Variants in CHRM3 observed in about 807,000 individuals in gnomAD.
CHRM3 encodes the protein muscarinic acetylcholine receptor M3.
A neutral mutation model predicts 41.8 loss-of-function variants in CHRM3; 11 were observed. The ratio of observed to expected loss-of-function variants is 0.26; its 90% CI spans 0.17 to 0.44. CHRM3 has a LOEUF of 0.44. Among genes scored for constraint, CHRM3 ranks in the 20% least tolerant of loss-of-function variants. The pLI, the probability that CHRM3 is intolerant of heterozygous loss-of-function variation, is 1.00. For missense variants in CHRM3, 571 were observed against 745.4 expected (o/e 0.77, Z 2.72); for synonymous variants, 297 against 301.4 (o/e 0.99, Z 0.15).
chr1:239,688,463 T>C (rs1659370491), intron 5 of CHRM3, among the ~76,000 whole-genome samples: 1 of 142,088 alleles, frequency 7.0e-6, no homozygotes, highest in Non-Finnish European at 1.5e-5. Flanking sequence ...TATATTATAT[T>C]ATATATTATA....
Position 239,893,733 on chromosome 1 carries a change from T to TA in CHRM3, c.-19-13681dup, listed in dbSNP as rs5782109. Among the ~76,000 whole-genome samples, 141 of 128,662 alleles carry TA rather than the reference T, an allele frequency of 1.1e-3. 2 individuals carry two copies. The highest frequency in any genetic ancestry group is 3.9e-3 in the African/African-American group (136 of 35,150). 84.4% of individuals were successfully genotyped at this position (128,662 alleles called of 152,430 possible). ...CTCATGATGTTTGTCTTTGAAATCA[T>TA]AAAAAAAAAAAAAAAAAAAGAATTT... On this transcript the variant is annotated intron_variant, in intron 6 of 6. Transcript: ENST00000676153.
chr1:239,878,137 G>A (rs1332847399), intron 6 of CHRM3, among the ~76,000 whole-genome samples: 1 of 151,648 alleles, frequency 6.6e-6, no homozygotes, highest in Non-Finnish European at 1.5e-5. Context: ...TAATCCACCC[G>A]CTTCGGCCTC....
chr1:239,406,268 T>C (rs1660588844), intron 1 of CHRM3, among the ~76,000 whole-genome samples: 1 of 152,326 alleles, frequency 6.6e-6, no homozygotes, highest in African/African-American at 2.4e-5. Context: ...TCTGTTTATG[T>C]GAAAAAGTTC....
In CHRM3 at chr1:239,708,546, T is replaced by C. The variant is rs530163611; in HGVS notation, c.-147+30258T>C. On this transcript the variant is annotated intron_variant, in intron 5 of 6. Transcript: ENST00000676153. Reference sequence around the variant, plus strand: ...AAGAACATCTCAGCACCTCCACCCCTGGGACTCTCTAAACCCCGCATCTCC... The same window carrying C: ...AAGAACATCTCAGCACCTCCACCCCCGGGACTCTCTAAACCCCGCATCTCC... 1.8e-4 allele frequency among the ~76,000 whole-genome samples: 28 copies of C among 152,152 alleles called. No homozygotes were observed. The South Asian group carries it at 5.6e-3, about 31-fold the overall frequency.
intron 5 of CHRM3, among the ~76,000 whole-genome samples, chr1:239,708,448 C>T (rs1468891329): frequency 3.3e-5 from 5 of 152,172 alleles, no homozygotes; most frequent in Non-Finnish European, 7.3e-5. Context: ...CCAAAATTCA[C>T]TCTCTACTCA....
intron 4 of CHRM3, among the ~76,000 whole-genome samples, chr1:239,674,869 A>G (rs538061979): frequency 6.6e-6 from 1 of 152,200 alleles, no homozygotes; most frequent in South Asian, 2.1e-4. Context: ...CCTTTACAAG[A>G]CTGTTGAAAC....
intron 1 of CHRM3, among the ~76,000 whole-genome samples, chr1:239,417,781 GC>G: frequency 6.6e-6 from 1 of 152,022 alleles, no homozygotes; most frequent in East Asian, 1.9e-4. Flanking sequence ...AATTTGAAAA[GC>G]AGCAAATCTT....
intron 5 of CHRM3, among the ~76,000 whole-genome samples, chr1:239,684,781 A>AGAAAAGAGAAGAGAAG (rs1247233809): frequency 2.0e-5 from 3 of 151,712 alleles, no homozygotes; most frequent in African/African-American, 7.3e-5. Context: ...AGAAAGAGAA[A>AGAAAAGAGAAGAGAAG]GAAAAGAGAA....
chr1:239,909,207 C>T lies in CHRM3; in HGVS notation c.1756C>T (p.Pro586Ser), dbSNP rs1245715742. Residue 586 changes from proline (P) to serine (S), a missense_variant, in exon 7 of 7, where the codon CCC becomes TCC. Physicochemically the swap from Pro to Ser is moderately conservative, Grantham distance 74. Transcript: ENST00000676153. ...RQSVIFHKRA[P>S]EQAL ...GTCGGTCATTTTTCACAAGCGCGCA[C>T]CCGAGCAGGCCTTGTAGAATGAGGT... 5 of 1,607,422 alleles carry T rather than the reference C, an allele frequency of 3.1e-6. No homozygotes were observed. Among genetic ancestry groups the T allele is most frequent in the Non-Finnish European group, 3.4e-6 (4 of 1,177,220 alleles).
chr1:239,790,011 C>T (rs986963405), intron 5 of CHRM3, among the ~76,000 whole-genome samples: 6 of 152,138 alleles, frequency 3.9e-5, no homozygotes, highest in African/African-American at 1.2e-4. Context: ...CTGTAGCCCC[C>T]GTTTGGCGAA....
At chr1:239,764,724 A>G (rs1667064077) in intron 5 of CHRM3, among the ~76,000 whole-genome samples, 1 of 152,256 alleles carries the variant, frequency 6.6e-6, no homozygotes, top group South Asian at 2.1e-4. Context: ...ATTCAGCTAC[A>G]TTAACTCAAT....
chr1:239,649,173 G>A (rs1228187446), intron 4 of CHRM3, among the ~76,000 whole-genome samples: 1 of 152,142 alleles, frequency 6.6e-6, no homozygotes, highest in Non-Finnish European at 1.5e-5. Context: ...GGTAGTGTGA[G>A]AAGATAGGGC....
At position 239,913,376 on chromosome 1, in the gene CHRM3, C is replaced by G. The variant is rs554956598; in HGVS notation, c.*4152C>G. 6.0e-5 allele frequency: 10 copies of G among 167,128 alleles called. No homozygotes were observed. Among genetic ancestry groups the G allele is most frequent in the Non-Finnish European group, 1.2e-4 (8 of 68,104 alleles). 10.4% of individuals were successfully genotyped at this position (167,128 alleles called of 1,614,324 possible). On this transcript the variant is annotated 3_prime_UTR_variant, in exon 7 of 7. Transcript: ENST00000676153. ...TTTTTTTTTAACCTAAAGAACCCTACTTCTAGCACCTCCTCTGAAAGAATA... is the reference window on the plus strand; with the variant it reads ...TTTTTTTTTAACCTAAAGAACCCTAGTTCTAGCACCTCCTCTGAAAGAATA...
intron 5 of CHRM3, among the ~76,000 whole-genome samples, chr1:239,813,241 G>A (rs1099055): frequency 0.18 from 27,444 of 152,118 alleles, 3,099 homozygotes; most frequent in East Asian, 0.33. Context: ...TTGTGCCACC[G>A]CACTCCAGCC....
At chr1:239,825,462 A>G (rs1672379213) in intron 5 of CHRM3, among the ~76,000 whole-genome samples, 3 of 152,176 alleles carry the variant, frequency 2.0e-5, no homozygotes, top group Non-Finnish European at 4.4e-5. Context: ...TGATTCCCAC[A>G]GTACACTCAG....
intron 5 of CHRM3, among the ~76,000 whole-genome samples, chr1:239,731,050 G>A (rs967345996): frequency 3.3e-5 from 5 of 151,954 alleles, no homozygotes; most frequent in South Asian, 2.1e-4. Context: ...TTTTACTTAG[G>A]TGGTTGGAAG....
chr1:239,646,788 A>G (rs948729211), intron 4 of CHRM3, among the ~76,000 whole-genome samples: 6 of 152,176 alleles, frequency 3.9e-5, no homozygotes, highest in African/African-American at 1.4e-4. Context: ...CTTTGATTTT[A>G]CCCTAAAAGT....
intron 5 of CHRM3, chr1:239,707,066 A>G (rs1256548587): frequency 6.6e-6 from 1 of 152,234 alleles, no homozygotes; most frequent in Non-Finnish European, 1.5e-5. Flanking sequence ...TGAGCTCCAC[A>G]AACAATTTTC....
At chr1:239,837,209 C>T (rs1005935697) in intron 6 of CHRM3, among the ~76,000 whole-genome samples, 7 of 152,052 alleles carry the variant, frequency 4.6e-5, no homozygotes, top group Admixed American at 3.9e-4. Context: ...TCTTACTTTT[C>T]TTTCATTTCC....
Sources: gnomAD v4.1 joint callset for allele counts (sites outside exome capture counted in the v4.1 genomes callset) on GRCh38, gnomAD v4.1.1 for gene constraint, MANE v1.5 for transcripts, NCBI Gene and HGNC (gene_info 2026-07-23, HGNC 2026-07-21) for gene names.